CPAMD8: variants seen among roughly 807,000 people sequenced by gnomAD.
CPAMD8 encodes C3 and PZP-like alpha-2-macroglobulin domain-containing protein 8.
Under a neutral mutation model 224.7 loss-of-function variants are expected in CPAMD8, and 146 were observed. That is an observed-to-expected ratio of 0.65 (90% CI 0.57 to 0.75). CPAMD8 has a LOEUF of 0.75. Among genes scored for constraint, CPAMD8 ranks in the 30% least tolerant of loss-of-function variants. The pLI, the probability that CPAMD8 is intolerant of heterozygous loss-of-function variation, is 0.00. For synonymous variants in CPAMD8, 966 were observed against 1,044.6 expected (o/e 0.92, Z 1.45); for missense variants, 2,301 against 2,537.5 (o/e 0.91, Z 2.00).
At chr19:16,985,155 G>A (rs982681176) in intron 13 of CPAMD8, among the ~76,000 whole-genome samples, 3 of 152,154 alleles carry the variant, frequency 2.0e-5, no homozygotes, top group Non-Finnish European at 2.9e-5. Flanking sequence ...TATCATGTTT[G>A]TAACTTGCTT....
chr19:16,894,306 G>A (rs1345912205), intron 41 of CPAMD8: 1 of 430,824 alleles, frequency 2.3e-6, no homozygotes, highest in Non-Finnish European at 4.8e-6. Context: ...GGTTCATTTA[G>A]AGGCAGGTGT....
intron 7 of CPAMD8, among the ~76,000 whole-genome samples, chr19:17,007,549 G>T (rs185925555): frequency 6.6e-6 from 1 of 152,106 alleles, no homozygotes; most frequent in Admixed American, 6.6e-5. Context: ...GAAGAAAAGA[G>T]GCTGAGACCC....
At chr19:16,935,381 C>T (rs10416325) in intron 23 of CPAMD8, among the ~76,000 whole-genome samples, 17,215 of 152,132 alleles carry the variant, frequency 0.11, 1,069 homozygotes, top group East Asian at 0.2. Context: ...AGATTCTCAC[C>T]GTTGCCCATT....
In CPAMD8 at chr19:16,893,031, A is replaced by T; in HGVS notation, c.*77T>A. 1.3e-6 allele frequency: 1 copy of T among 782,516 alleles called. No homozygotes were observed. The highest frequency in any genetic ancestry group is 1.4e-5 in the South Asian group (1 of 73,822). The allele number at this position is 782,516 out of a possible 1,614,324, so 48.5% of individuals were successfully genotyped here. On this transcript the variant is annotated 3_prime_UTR_variant, in exon 42 of 42. Coordinates refer to ENST00000443236, the MANE Select transcript of CPAMD8 (RefSeq NM_015692.5). ...CAGAGTTTTCTGAGATGTTAACCAC[A>T]GGCACAAGCTGGGTGTGTGGGTATG...
intron 22 of CPAMD8, among the ~76,000 whole-genome samples, chr19:16,941,831 G>T (rs1220053968): frequency 2.0e-5 from 3 of 152,074 alleles, no homozygotes; most frequent in South Asian, 2.1e-4. Flanking sequence ...AAATTATCCG[G>T]GCATGGTGGC....
chr19:16,896,099 G>A (rs780390665), intron 41 of CPAMD8, 77 bp downstream of exon 41: 1 of 1,546,464 alleles, frequency 6.5e-7, no homozygotes, highest in South Asian at 1.1e-5. Context: ...CAGGTCGTCG[G>A]GGGAGGTTGG....
intron 14 of CPAMD8, among the ~76,000 whole-genome samples, chr19:16,978,831 C>T (rs531010310): frequency 4.8e-4 from 73 of 151,570 alleles, no homozygotes; most frequent in African/African-American, 1.6e-3. Context: ...CATCCATCCA[C>T]TCACCCACCA....
At chr19:16,969,895 A>AAC (rs1491031271) in intron 18 of CPAMD8, among the ~76,000 whole-genome samples, 4 of 150,122 alleles carry the variant, frequency 2.7e-5, no homozygotes, top group African/African-American at 7.4e-5. Flanking sequence ...AAAAACAAAA[A>AAC]CAACGAAAAA....
At chr19:17,020,948 C>G (rs560520232) in intron 2 of CPAMD8, among the ~76,000 whole-genome samples, 1 of 152,360 alleles carries the variant, frequency 6.6e-6, no homozygotes, top group East Asian at 1.9e-4. Flanking sequence ...AGCTCTCCAT[C>G]CACCTTCCTG....
rs540199539 is a variant in CPAMD8, at chr19:17,007,341, A to AAAG, written c.559+1161_559+1163dup. On this transcript the variant is annotated intron_variant, in intron 7 of 41. Coordinates refer to ENST00000443236, the MANE Select transcript of CPAMD8 (RefSeq NM_015692.5). ...AATAGCAAGACTGTATTTTAAAAAA[A>AAAG]AAGAAGAAGAAGAAAAGAAAAAGGA... 8.8e-4 allele frequency among the ~76,000 whole-genome samples: 134 copies of AAAG among 152,134 alleles called. 1 individual carries two copies. The South Asian group carries it at 0.027, about 31-fold the overall frequency.
chr19:16,905,563 AGAAAAG>A (rs2052441343), intron 30 of CPAMD8, among the ~76,000 whole-genome samples: 2 of 133,086 alleles, frequency 1.5e-5, no homozygotes, highest in African/African-American at 5.6e-5. Flanking sequence ...AAAAAAAGGA[AGAAAAG>A]AAAAAAAAAA....
chr19:16,953,137 T>C (rs2122386373), intron 19 of CPAMD8, among the ~76,000 whole-genome samples: 1 of 152,266 alleles, frequency 6.6e-6, no homozygotes, highest in East Asian at 1.9e-4. Context: ...TTTTAACAAA[T>C]ACTGCTAGAA....
intron 14 of CPAMD8, among the ~76,000 whole-genome samples, chr19:16,979,045 AC>A (rs2055388873): frequency 6.9e-6 from 1 of 144,504 alleles, no homozygotes; most frequent in East Asian, 2.1e-4. Context: ...TCATCCACCC[AC>A]CCCACTATCC....
intron 17 of CPAMD8, among the ~76,000 whole-genome samples, chr19:16,972,592 G>A (rs1486383715): frequency 2.6e-5 from 4 of 152,132 alleles, no homozygotes; most frequent in East Asian, 3.9e-4. Flanking sequence ...CCGCCACCAC[G>A]CCCGGCTAAT....
intron 7 of CPAMD8, 142 bp from the exon 8 acceptor site, chr19:17,004,528 G>A: frequency 3.3e-6 from 2 of 609,690 alleles, no homozygotes; most frequent in South Asian, 3.9e-5. Context: ...AGCTGGCGGG[G>A]TCTGTGCAGA....
chr19:16,923,942 C>G, intron 26 of CPAMD8, among the ~76,000 whole-genome samples: 1 of 151,022 alleles, frequency 6.6e-6, no homozygotes, highest in East Asian at 1.9e-4. Flanking sequence ...GGTGACAGAG[C>G]GAGACCCTAG....
chr19:17,004,172 C>T, intron 8 of CPAMD8, 101 bp downstream of exon 8: 1 of 737,716 alleles, frequency 1.4e-6, no homozygotes. Context: ...TCCGAAAGTG[C>T]TGGGATTACA....
intron 41 of CPAMD8, chr19:16,895,919 A>G (rs762894794): frequency 8.1e-5 from 49 of 603,656 alleles, no homozygotes; most frequent in South Asian, 4.9e-4. Flanking sequence ...ACACACACAC[A>G]CACACACACG....
At chr19:17,013,153 C>G (rs1019712294) in intron 3 of CPAMD8, among the ~76,000 whole-genome samples, 4 of 151,700 alleles carry the variant, frequency 2.6e-5, no homozygotes, top group African/African-American at 9.7e-5. Context: ...TGCACTCCAA[C>G]CTGGGTGACA....
Sources: gnomAD v4.1 joint callset for allele counts (sites outside exome capture counted in the v4.1 genomes callset) on GRCh38, gnomAD v4.1.1 for gene constraint, MANE v1.5 for transcripts, NCBI Gene and HGNC (gene_info 2026-07-23, HGNC 2026-07-21) for gene names.